RBMS3: variants seen among roughly 807,000 people sequenced by gnomAD.
The protein encoded by RBMS3 is RNA-binding motif, single-stranded-interacting protein 3.
In RBMS3, 27 loss-of-function variants were observed where a neutral mutation model predicts 66.8. The ratio of observed to expected loss-of-function variants is 0.40; its 90% CI spans 0.30 to 0.56. The LOEUF is 0.56. RBMS3 is among the 20% of genes least tolerant of loss of function. The probability of loss-of-function intolerance (pLI) is 0.40; values close to 1 mark genes in which losing one functional copy is unlikely to be tolerated. For synonymous variants in RBMS3, 188 were observed against 183.0 expected, an observed-to-expected ratio of 1.03 and a Z score of -0.22; for missense variants, 513 against 549.5, an observed-to-expected ratio of 0.93 and a Z score of 0.66.
chr3:29,480,444 T>G (rs942558879), intron 2 of RBMS3, among the ~76,000 whole-genome samples: 1 of 151,950 alleles, frequency 6.6e-6, no homozygotes, highest in African/African-American at 2.4e-5. Context: ...GGGTAAGTGA[T>G]GGAGATAAGG....
At chr3:29,602,914 GGC>G (rs1448369763) in intron 4 of RBMS3, among the ~76,000 whole-genome samples, 1 of 151,904 alleles carries the variant, frequency 6.6e-6, no homozygotes, top group Non-Finnish European at 1.5e-5. Flanking sequence ...AAGGTCAAGT[GGC>G]AGTTCCTTGG....
chr3:29,842,665 G>A (rs9850583), intron 6 of RBMS3, among the ~76,000 whole-genome samples: 2,293 of 152,252 alleles, frequency 0.015, 51 homozygotes, highest in African/African-American at 0.051. Flanking sequence ...TACTTAGGAG[G>A]TGTGATTAAG....
chr3:29,959,404 T>A (rs1052356711), intron 12 of RBMS3, among the ~76,000 whole-genome samples: 14 of 152,186 alleles, frequency 9.2e-5, no homozygotes, highest in Admixed American at 6.5e-5. Flanking sequence ...TTGACCCAGA[T>A]CTACTGAACC....
At chr3:29,917,383 T>G (rs891424871) in intron 10 of RBMS3, among the ~76,000 whole-genome samples, 2 of 152,092 alleles carry the variant, frequency 1.3e-5, no homozygotes, top group African/African-American at 4.8e-5. Context: ...TTCTCTCTTT[T>G]GCTTTTTCAT....
Position 29,734,365 on chromosome 3 carries a change from T to A in RBMS3, c.400-5355T>A, listed in dbSNP as rs147623849. On this transcript the variant is annotated intron_variant, in intron 4 of 14. Transcript: ENST00000383767. ...AGGATGACTATAATTAACAATAATTTATTGCATATTTTTAAATACCTAGAA... is the reference window on the plus strand; with the variant it reads ...AGGATGACTATAATTAACAATAATTAATTGCATATTTTTAAATACCTAGAA... Among the ~76,000 whole-genome samples the A allele has an allele frequency of 6.9e-3, 1,047 of 152,186 alleles. 9 individuals are homozygous for A. Among genetic ancestry groups the A allele is most frequent in the Middle Eastern group, 0.041 (12 of 292 alleles).
At position 29,472,713 on chromosome 3, in the gene RBMS3, C is replaced by T. The variant is rs569732258; in HGVS notation, c.249-15728C>T. ...TCGTTCCTCCCAGTGGGTTCGTGGT[C>T]TCGCTGGCTTCAGGAGTGAAGCTGC... On this transcript the variant is annotated intron_variant, in intron 2 of 14. Coordinates refer to ENST00000383767, the MANE Select transcript of RBMS3 (RefSeq NM_001003793.3). Among the ~76,000 whole-genome samples, 4 of 150,842 alleles carry T rather than the reference C, an allele frequency of 2.7e-5. No homozygotes were observed. The East Asian group carries it at 7.9e-4, about 30-fold the overall frequency.
chr3:29,460,786 A>C (rs1299662480), intron 2 of RBMS3, among the ~76,000 whole-genome samples: 6 of 152,232 alleles, frequency 3.9e-5, no homozygotes, highest in African/African-American at 1.4e-4. Context: ...ATGTGGGAAC[A>C]GTGCTAGAGA....
At chr3:29,335,862 TC>T (rs1168048242) in intron 1 of RBMS3, among the ~76,000 whole-genome samples, 2 of 152,152 alleles carry the variant, frequency 1.3e-5, no homozygotes, top group Non-Finnish European at 2.9e-5. Context: ...ATTCCTCACT[TC>T]CTGCCTCCCT....
intron 12 of RBMS3, among the ~76,000 whole-genome samples, chr3:29,944,867 T>TG (rs1294977711): frequency 1.3e-5 from 2 of 151,762 alleles, no homozygotes; most frequent in Non-Finnish European, 2.9e-5. Flanking sequence ...TTTGAAAATA[T>TG]GTTAGTGTCT....
chr3:29,309,769 A>G (rs1385621954), intron 1 of RBMS3, among the ~76,000 whole-genome samples: 3 of 151,694 alleles, frequency 2.0e-5, no homozygotes, highest in African/African-American at 7.3e-5. Flanking sequence ...GACTGAGGGA[A>G]AAAATGCATT....
At chr3:29,937,519 A>G (rs1435697938) in intron 11 of RBMS3, among the ~76,000 whole-genome samples, 1 of 152,012 alleles carries the variant, frequency 6.6e-6, no homozygotes, top group Non-Finnish European at 1.5e-5. Context: ...ATATAATTTA[A>G]TGGAAAGAGC....
intron 4 of RBMS3, among the ~76,000 whole-genome samples, chr3:29,639,047 A>G (rs931135345): frequency 6.6e-6 from 1 of 151,726 alleles, no homozygotes; most frequent in Admixed American, 6.6e-5. Context: ...ACAAATTTCA[A>G]ATTATTTACT....
chr3:29,334,338 TA>T (rs1238689453), intron 1 of RBMS3, among the ~76,000 whole-genome samples: 7 of 152,192 alleles, frequency 4.6e-5, no homozygotes, highest in Non-Finnish European at 8.8e-5. Flanking sequence ...ATGAAGAGGT[TA>T]GTTTGCTTAA....
rs770229539 is a variant in RBMS3, at chr3:29,705,452, C to T, written c.400-34268C>T. On this transcript the variant is annotated intron_variant, in intron 4 of 14. Transcript: ENST00000383767. ...GAAGCCAGGGGCTGAGAAGTCCCTC[C>T]AGAGCATAACACAGTGCTTAAGTAC... is the stretch of plus-strand genomic sequence containing the variant. 2.4e-4 allele frequency among the ~76,000 whole-genome samples: 36 copies of T among 152,216 alleles called. No homozygotes were observed. In the East Asian group the frequency reaches 3.5e-3, roughly 15 times the overall value.
chr3:29,567,771 C>G (rs562410406), intron 3 of RBMS3, among the ~76,000 whole-genome samples: 1 of 152,266 alleles, frequency 6.6e-6, no homozygotes, highest in South Asian at 2.1e-4. Context: ...GTGTTCTCAA[C>G]TGGCCGATTA....
intron 2 of RBMS3, among the ~76,000 whole-genome samples, chr3:29,486,625 T>G (rs2043330625): frequency 6.6e-6 from 1 of 152,156 alleles, no homozygotes; most frequent in Non-Finnish European, 1.5e-5. Flanking sequence ...ACATTTAACA[T>G]TTTTTGCTGT....
At chr3:29,857,588 C>G (rs892857746) in intron 6 of RBMS3, among the ~76,000 whole-genome samples, 1 of 150,216 alleles carries the variant, frequency 6.7e-6, no homozygotes, top group South Asian at 2.1e-4. Flanking sequence ...AGGTTGTGCC[C>G]CTGCTCTCCA....
intron 14 of RBMS3, among the ~76,000 whole-genome samples, chr3:29,998,832 G>C (rs930942133): frequency 6.6e-6 from 1 of 151,992 alleles, no homozygotes; most frequent in African/African-American, 2.4e-5. Flanking sequence ...AGAAAACCTG[G>C]GCAATACCAT....
intron 2 of RBMS3, among the ~76,000 whole-genome samples, chr3:29,473,564 C>T (rs914491195): frequency 6.6e-6 from 1 of 152,178 alleles, no homozygotes; most frequent in East Asian, 1.9e-4. Flanking sequence ...GGGTGGCGCT[C>T]GTTGGGGAGG....
Sources: allele counts gnomAD v4.1 joint callset (sites outside exome capture counted in the v4.1 genomes callset), GRCh38; gene constraint gnomAD v4.1.1; transcripts MANE v1.5; gene names NCBI Gene and HGNC (gene_info 2026-07-23, HGNC 2026-07-21).